The following OPCML variants were observed in gnomAD, a reference collection of about 807,000 sequenced individuals.
OPCML encodes the protein opioid-binding protein/cell adhesion molecule.
Under a neutral mutation model 37.8 loss-of-function variants are expected in OPCML, and 13 were observed. The ratio of observed to expected loss-of-function variants is 0.34; its 90% CI spans 0.22 to 0.55. The LOEUF is 0.55. Ranked by LOEUF, OPCML falls within the 20% of genes least tolerant of loss-of-function variation. The probability of loss-of-function intolerance (pLI) is 0.91; values close to 1 mark genes in which losing one functional copy is unlikely to be tolerated. For synonymous variants in OPCML, 176 were observed against 168.8 expected (o/e 1.04, Z -0.33); for missense variants, 341 against 435.6 (o/e 0.78, Z 1.93).
intron 2 of OPCML, among the ~76,000 whole-genome samples, chr11:132,867,220 A>G (rs1942600642): frequency 6.6e-6 from 1 of 152,180 alleles, no homozygotes; most frequent in Non-Finnish European, 1.5e-5. Context: ...TTTGCATCTG[A>G]CGTCTTGATG....
intron 1 of OPCML, among the ~76,000 whole-genome samples, chr11:133,269,181 C>T (rs980121269): frequency 6.6e-6 from 1 of 152,176 alleles, no homozygotes. Flanking sequence ...GGAAGAAGGG[C>T]ATCTCTGAGC....
chr11:133,294,458 G>A (rs756674880), intron 1 of OPCML, among the ~76,000 whole-genome samples: 34 of 152,194 alleles, frequency 2.2e-4, no homozygotes, highest in Non-Finnish European at 4.3e-4. Flanking sequence ...AAGTTGATAA[G>A]TTAATGCATA....
rs564877108 is a variant in OPCML, at chr11:132,962,786, C to T, written c.62-19776G>A. Among the ~76,000 whole-genome samples the T allele has an allele frequency of 4.8e-4, 73 of 152,236 alleles. No homozygotes were observed. The South Asian group carries it at 8.1e-3, about 17-fold the overall frequency. ...ATCCATTCACGGGCAGGCACTTCAC[C>T]GCATTTGGGTTTTCAGTCTTTGCTG... On this transcript the variant is annotated intron_variant, in intron 1 of 7. Coordinates refer to ENST00000524381, the MANE Select transcript of OPCML (RefSeq NM_001012393.5).
intron 1 of OPCML, among the ~76,000 whole-genome samples, chr11:132,979,962 G>C (rs1946547899): frequency 6.6e-6 from 1 of 152,224 alleles, no homozygotes; most frequent in Admixed American, 6.5e-5. Flanking sequence ...TAAAGAGGCT[G>C]AGTAAGATAA....
chr11:133,128,925 C>A (rs1949561861), intron 1 of OPCML, among the ~76,000 whole-genome samples: 1 of 152,108 alleles, frequency 6.6e-6, no homozygotes, highest in Non-Finnish European at 1.5e-5. Context: ...GTTTTGCCCT[C>A]CTACCTGAAA....
At chr11:132,792,877 C>T (rs770185106) in intron 2 of OPCML, among the ~76,000 whole-genome samples, 1 of 152,176 alleles carries the variant, frequency 6.6e-6, no homozygotes, top group African/African-American at 2.4e-5. Flanking sequence ...CAGCAGCGCC[C>T]GTGTCTGTCT....
intron 1 of OPCML, among the ~76,000 whole-genome samples, chr11:133,189,605 C>T (rs1242061184): frequency 6.6e-6 from 1 of 152,138 alleles, no homozygotes; most frequent in Non-Finnish European, 1.5e-5. Context: ...TCAGGAGATC[C>T]TAGCATATCA....
At chr11:133,377,055 T>C (rs1944820396) in intron 1 of OPCML, among the ~76,000 whole-genome samples, 1 of 152,002 alleles carries the variant, frequency 6.6e-6, no homozygotes, top group Non-Finnish European at 1.5e-5. Flanking sequence ...TGTAGTGTAG[T>C]GTTTCGACGT....
intron 2 of OPCML, among the ~76,000 whole-genome samples, chr11:132,853,579 C>G (rs1373330689): frequency 2.6e-5 from 4 of 152,080 alleles, no homozygotes; most frequent in African/African-American, 9.7e-5. Flanking sequence ...TATCACCCCA[C>G]AAAAAAATCT....
At chr11:133,036,160 C>T (rs1050371377) in intron 1 of OPCML, among the ~76,000 whole-genome samples, 3 of 152,094 alleles carry the variant, frequency 2.0e-5, no homozygotes, top group Non-Finnish European at 4.4e-5. Context: ...AGTTGGTGTC[C>T]AGAAGTGGCT....
intron 3 of OPCML, among the ~76,000 whole-genome samples, chr11:132,642,504 CAT>C (rs1346964042): frequency 6.6e-6 from 1 of 152,022 alleles, no homozygotes; most frequent in East Asian, 1.9e-4. Flanking sequence ...CAAAATCTAA[CAT>C]AATTTATCAA....
chr11:133,235,508 A>C (rs1003453174), intron 1 of OPCML, among the ~76,000 whole-genome samples: 1 of 152,238 alleles, frequency 6.6e-6, no homozygotes, highest in African/African-American at 2.4e-5. Context: ...AAACATATTC[A>C]ACTCAAACAA....
intron 2 of OPCML, among the ~76,000 whole-genome samples, chr11:132,892,721 C>T (rs1043678911): frequency 1.3e-5 from 2 of 152,176 alleles, no homozygotes; most frequent in Non-Finnish European, 2.9e-5. Flanking sequence ...GAGCCAAGAT[C>T]ATGCCGTTGC....
intron 1 of OPCML, among the ~76,000 whole-genome samples, chr11:133,426,740 C>G (rs1328689678): frequency 6.6e-6 from 1 of 152,146 alleles, no homozygotes; most frequent in South Asian, 2.1e-4. Flanking sequence ...CCTGGTCTCT[C>G]CCTTCACACG....
intron 1 of OPCML, among the ~76,000 whole-genome samples, chr11:132,991,339 AT>A (rs1946771718): frequency 6.6e-6 from 1 of 152,236 alleles, no homozygotes; most frequent in South Asian, 2.1e-4. Flanking sequence ...ATTCATTTTC[AT>A]AAATGCAATA....
At chr11:132,813,796 C>T (rs74649081) in intron 2 of OPCML, among the ~76,000 whole-genome samples, 2,442 of 152,220 alleles carry the variant, frequency 0.016, 27 homozygotes, top group Middle Eastern at 0.027. Flanking sequence ...TCAGCTGCTT[C>T]CCCCGGTGTA....
At chr11:133,347,543 T>G (rs1388949749) in intron 1 of OPCML, among the ~76,000 whole-genome samples, 1 of 152,196 alleles carries the variant, frequency 6.6e-6, no homozygotes, top group Non-Finnish European at 1.5e-5. Context: ...GTATCCAATA[T>G]GGAATTTACT....
At chr11:133,159,245 C>T (rs1051036800) in intron 1 of OPCML, among the ~76,000 whole-genome samples, 8 of 152,330 alleles carry the variant, frequency 5.3e-5, no homozygotes, top group African/African-American at 1.9e-4. Flanking sequence ...ATGCTTCATT[C>T]CCATGAGGGC....
chr11:132,569,087 G>A lies in OPCML; in HGVS notation c.380-39901C>T, dbSNP rs188669183. ...CGGGGCAGGTTCGGCACTCGCCTGC[G>A]GTCGGGGCTGACTATGCCCATGCAT... On this transcript the variant is annotated intron_variant, in intron 3 of 7. Coordinates refer to ENST00000524381, the MANE Select transcript of OPCML (RefSeq NM_001012393.5). Among the ~76,000 whole-genome samples, 284 of 152,286 alleles carry A rather than the reference G, an allele frequency of 1.9e-3. 2 individuals carry two copies. Among genetic ancestry groups the A allele is most frequent in the African/African-American group, 5.8e-3 (243 of 41,548 alleles).
Sources: allele counts gnomAD v4.1 joint callset (sites outside exome capture counted in the v4.1 genomes callset), GRCh38; gene constraint gnomAD v4.1.1; transcripts MANE v1.5; gene names NCBI Gene and HGNC (gene_info 2026-07-23, HGNC 2026-07-21).